Variants in LOC122539214 observed in about 807,000 individuals in gnomAD.
the LOC122539214 span, chr19:52,654,026 C>T: frequency 5.1e-6 from 8 of 1,569,438 alleles, no homozygotes; most frequent in African/African-American, 6.8e-5. Context: ...GATGTTGAAA[C>T]CAAGGAAGCA....
the LOC122539214 span, among the ~76,000 whole-genome samples, chr19:52,669,468 G>A: frequency 1.3e-5 from 2 of 152,138 alleles, no homozygotes; most frequent in African/African-American, 4.8e-5. Flanking sequence ...TGAGCAATTA[G>A]GGGCTACCAG....
At chr19:52,663,630 T>C in the LOC122539214 span, among the ~76,000 whole-genome samples, 1 of 152,190 alleles carries the variant, frequency 6.6e-6, no homozygotes. Flanking sequence ...GAGTACACAT[T>C]GAAACAACCT....
At chr19:52,684,791 T>C in the LOC122539214 span, among the ~76,000 whole-genome samples, 1 of 151,676 alleles carries the variant, frequency 6.6e-6, no homozygotes, top group African/African-American at 2.4e-5. Context: ...GTTTTGGTGT[T>C]TGGGAAAAAA....
the LOC122539214 span, among the ~76,000 whole-genome samples, chr19:52,684,298 G>C: frequency 9.7e-3 from 1,449 of 149,960 alleles, 27 homozygotes; most frequent in African/African-American, 0.033. Context: ...CTCTGGTGGT[G>C]GAGGTTGTAG....
chr19:52,680,825 G>A, the LOC122539214 span, among the ~76,000 whole-genome samples: 2 of 149,760 alleles, frequency 1.3e-5, no homozygotes, highest in African/African-American at 5.0e-5. Flanking sequence ...TGTTAGCCAG[G>A]ATGGTCTCGA....
At chr19:52,673,520 A>AC in the LOC122539214 span, among the ~76,000 whole-genome samples, 1 of 151,724 alleles carries the variant, frequency 6.6e-6, no homozygotes, top group Non-Finnish European at 1.5e-5. Flanking sequence ...ACACACACAC[A>AC]AAATGCTATA....
At chr19:52,687,560 TTTATA>T in the LOC122539214 span, among the ~76,000 whole-genome samples, 3 of 29,610 alleles carry the variant, frequency 1.0e-4, no homozygotes, top group African/African-American at 3.1e-4. Flanking sequence ...ATGTGTAAAT[TTTATA>T]TATATATAAA....
the LOC122539214 span, among the ~76,000 whole-genome samples, chr19:52,680,606 A>ATTTTTT: frequency 6.2e-4 from 55 of 88,938 alleles, 1 homozygote; most frequent in African/African-American, 2.1e-3. Context: ...TCCACAAAAT[A>ATTTTTT]TTTTTTTTTT....
At chr19:52,654,057 T>C in the LOC122539214 span, 1 of 1,591,776 alleles carries the variant, frequency 6.3e-7, no homozygotes, top group Non-Finnish European at 8.6e-7. Context: ...ACTTCTCCAC[T>C]TGATTATCAA....
At chr19:52,667,045 G>A in the LOC122539214 span, among the ~76,000 whole-genome samples, 14 of 152,092 alleles carry the variant, frequency 9.2e-5, no homozygotes, top group African/African-American at 3.1e-4. Flanking sequence ...GACTGAACAA[G>A]GTCTTATTAA....
the LOC122539214 span, among the ~76,000 whole-genome samples, chr19:52,667,454 C>A: frequency 5.3e-5 from 8 of 152,080 alleles, no homozygotes; most frequent in Non-Finnish European, 1.0e-4. Context: ...ATTAGTCCTC[C>A]TGATTGTAAA....
chr19:52,688,969 AAAAG>A, the LOC122539214 span, among the ~76,000 whole-genome samples: 1 of 130,760 alleles, frequency 7.6e-6, no homozygotes, highest in Non-Finnish European at 1.6e-5. Context: ...AAAAAAAAAA[AAAAG>A]AGAGAGATTA....
the LOC122539214 span, among the ~76,000 whole-genome samples, chr19:52,681,840 C>A: frequency 6.6e-6 from 1 of 152,072 alleles, no homozygotes; most frequent in Non-Finnish European, 1.5e-5. Context: ...TAATACTGTA[C>A]AATCCTTCTT....
chr19:52,653,940 C>G, the LOC122539214 span: 3 of 1,146,536 alleles, frequency 2.6e-6, no homozygotes, highest in Non-Finnish European at 3.9e-6. Flanking sequence ...GGATTTGTGT[C>G]AATAATGAAG....
the LOC122539214 span, among the ~76,000 whole-genome samples, chr19:52,690,182 G>GAAAA: frequency 4.5e-5 from 6 of 132,188 alleles, no homozygotes; most frequent in African/African-American, 1.7e-4. Flanking sequence ...ATGATTTTGA[G>GAAAA]AAAAAAAAAA....
the LOC122539214 span, among the ~76,000 whole-genome samples, chr19:52,664,117 T>G: frequency 6.6e-6 from 1 of 151,962 alleles, no homozygotes; most frequent in Non-Finnish European, 1.5e-5. Context: ...CTCCTGAAAT[T>G]AGGTGATCCA....
the LOC122539214 span, chr19:52,652,128 G>A: frequency 5.0e-3 from 1,141 of 230,350 alleles, 16 homozygotes; most frequent in African/African-American, 0.025. Context: ...TGTCTAATGC[G>A]GTGTGAATGT....
At chr19:52,658,956 T>G in the LOC122539214 span, among the ~76,000 whole-genome samples, 2 of 152,216 alleles carry the variant, frequency 1.3e-5, no homozygotes, top group African/African-American at 4.8e-5. Context: ...TCTAAATAAA[T>G]GCCTGGAGTG....
the LOC122539214 span, among the ~76,000 whole-genome samples, chr19:52,656,851 C>T: frequency 2.8e-5 from 4 of 144,910 alleles, no homozygotes; most frequent in Admixed American, 7.1e-5. Context: ...ATCGACAGAG[C>T]GAGACTCCGT....
Sources: allele counts gnomAD v4.1 joint callset (sites outside exome capture counted in the v4.1 genomes callset), GRCh38; gene constraint gnomAD v4.1.1; transcripts MANE v1.5.